ETV6: variants seen among roughly 807,000 people sequenced by gnomAD.
ETV6 encodes the protein transcription factor ETV6.
ETV6 carries 16 observed loss-of-function variants against 51.1 expected under a neutral mutation model. The ratio of observed to expected loss-of-function variants is 0.31; its 90% confidence interval spans 0.21 to 0.48. The LOEUF (loss-of-function observed/expected upper bound fraction) is 0.48. Ranked by LOEUF, ETV6 falls within the 20% of genes least tolerant of loss-of-function variation. The pLI is 0.99. For missense variants in ETV6, 458 were observed against 594.8 expected (o/e 0.77, Z 2.39); for synonymous variants, 240 against 224.1 (o/e 1.07, Z -0.64).
At chr12:11,861,516 C>T (rs1206237579) in intron 4 of ETV6, among the ~76,000 whole-genome samples, 1 of 152,198 alleles carries the variant, frequency 6.6e-6, no homozygotes, top group Non-Finnish European at 1.5e-5. Flanking sequence ...GACCCCTCAC[C>T]CTTCCTGCCT....
intron 1 of ETV6, among the ~76,000 whole-genome samples, chr12:11,731,543 T>G (rs2120978603): frequency 6.6e-6 from 1 of 152,100 alleles, no homozygotes; most frequent in Non-Finnish European, 1.5e-5. Context: ...AGAGAAAGAA[T>G]AATTTTTTTT....
At chr12:11,785,799 G>T (rs1422572890) in intron 2 of ETV6, among the ~76,000 whole-genome samples, 1 of 152,148 alleles carries the variant, frequency 6.6e-6, no homozygotes, top group Non-Finnish European at 1.5e-5. Flanking sequence ...CCTTGCATTT[G>T]GTTCGTGTCA....
chr12:11,781,793 A>G (rs1398050899), intron 2 of ETV6, among the ~76,000 whole-genome samples: 1 of 151,368 alleles, frequency 6.6e-6, no homozygotes, highest in Non-Finnish European at 1.5e-5. Flanking sequence ...CCTTCTATAA[A>G]CTCCTCTTTC....
At chr12:11,791,577 G>A (rs1036470732) in intron 2 of ETV6, among the ~76,000 whole-genome samples, 10 of 152,142 alleles carry the variant, frequency 6.6e-5, no homozygotes, top group African/African-American at 1.4e-4. Flanking sequence ...CTTTGTATTC[G>A]TGTCCAGTTG....
intron 1 of ETV6, among the ~76,000 whole-genome samples, chr12:11,749,239 A>C (rs1005553402): frequency 6.7e-6 from 1 of 149,386 alleles, no homozygotes; most frequent in Non-Finnish European, 1.5e-5. Context: ...ATTTTAATTT[A>C]ATTAGAGCAG....
At chr12:11,830,689 C>T (rs1372154411) in intron 2 of ETV6, among the ~76,000 whole-genome samples, 2 of 152,190 alleles carry the variant, frequency 1.3e-5, no homozygotes, top group African/African-American at 2.4e-5. Context: ...TGGCATTAAA[C>T]CTGGGGACTG....
chr12:11,876,148 C>T (rs1435598515), intron 5 of ETV6, among the ~76,000 whole-genome samples: 1 of 152,164 alleles, frequency 6.6e-6, no homozygotes, highest in Non-Finnish European at 1.5e-5. Flanking sequence ...AGAGAGGAGA[C>T]AGGTTCTGGA....
At chr12:11,753,536 G>A (rs559374449) in intron 2 of ETV6, among the ~76,000 whole-genome samples, 2 of 152,306 alleles carry the variant, frequency 1.3e-5, no homozygotes, top group South Asian at 2.1e-4. Flanking sequence ...GACTTAAATG[G>A]TGGCACAGTC....
In ETV6 at chr12:11,874,528, GTGTATGTGCGTGTGTACACACATATA is replaced by G. The variant is rs1946938209; in HGVS notation, c.1009+4563_1009+4588del. On this transcript the variant is annotated intron_variant, in intron 5 of 7. Coordinates refer to ENST00000396373, the MANE Select transcript of ETV6 (RefSeq NM_001987.5). ...TATGTGCGTGTGTACACACATATAT[GTGTATGTGCGTGTGTACACACATATA>G]TGTGTATGTGCGTGTGTACACATAT... Among the ~76,000 whole-genome samples the G allele has an allele frequency of 1.0e-4, 2 of 20,064 alleles. 1 individual carries two copies. Among genetic ancestry groups the G allele is most frequent in the Non-Finnish European group, 2.8e-4 (2 of 7,192 alleles). The allele number at this position is 20,064 out of a possible 152,430, so 13.2% of individuals were successfully genotyped here.
chr12:11,672,424 A>G (rs1864335796), intron 1 of ETV6, among the ~76,000 whole-genome samples: 1 of 152,178 alleles, frequency 6.6e-6, no homozygotes, highest in Non-Finnish European at 1.5e-5. Context: ...AAAAGGAAAA[A>G]TAAAACCACA....
intron 2 of ETV6, among the ~76,000 whole-genome samples, chr12:11,760,876 ATATGTGTG>A (rs1283980028): frequency 8.2e-4 from 59 of 71,918 alleles, no homozygotes; most frequent in Admixed American, 2.3e-3. Flanking sequence ...ATTATTATAT[ATATGTGTG>A]TGTGTGTGTG....
intron 2 of ETV6, among the ~76,000 whole-genome samples, chr12:11,771,816 G>A (rs1372503607): frequency 6.6e-6 from 1 of 152,154 alleles, no homozygotes; most frequent in Non-Finnish European, 1.5e-5. Flanking sequence ...TTCATACAAA[G>A]TTTAATCAGA....
At chr12:11,771,326 T>C (rs1435593257) in intron 2 of ETV6, among the ~76,000 whole-genome samples, 1 of 152,270 alleles carries the variant, frequency 6.6e-6, no homozygotes, top group East Asian at 1.9e-4. Flanking sequence ...GTGTCAACTT[T>C]GTTGCTTTAA....
intron 5 of ETV6, among the ~76,000 whole-genome samples, chr12:11,872,376 G>A (rs1316422982): frequency 1.3e-5 from 2 of 152,030 alleles, no homozygotes; most frequent in Non-Finnish European, 2.9e-5. Flanking sequence ...CCACTTCTTG[G>A]GAATCTACCA....
intron 1 of ETV6, among the ~76,000 whole-genome samples, chr12:11,682,258 T>C (rs1864544543): frequency 6.6e-6 from 1 of 152,246 alleles, no homozygotes; most frequent in Admixed American, 6.5e-5. Context: ...TGATCGCCAT[T>C]CTAACTGGTG....
chr12:11,808,615 T>C (rs1160272898), intron 2 of ETV6, among the ~76,000 whole-genome samples: 1 of 152,212 alleles, frequency 6.6e-6, no homozygotes, highest in Non-Finnish European at 1.5e-5. Flanking sequence ...CCATTTTATA[T>C]AAGGGATTTG....
intron 1 of ETV6, among the ~76,000 whole-genome samples, chr12:11,738,328 TA>T (rs1324309727): frequency 0.018 from 1,846 of 102,270 alleles, 76 homozygotes; most frequent in African/African-American, 0.059. Flanking sequence ...TTTTTTTTTT[TA>T]AATTTGAGAC....
chr12:11,733,356 C>G (rs1224420297), intron 1 of ETV6, among the ~76,000 whole-genome samples: 1 of 134,272 alleles, frequency 7.4e-6, no homozygotes, highest in East Asian at 2.2e-4. Flanking sequence ...TGCAGTGAGC[C>G]GAGATCGCAC....
intron 5 of ETV6, among the ~76,000 whole-genome samples, chr12:11,877,025 T>C (rs1189562597): frequency 2.0e-5 from 3 of 152,268 alleles, no homozygotes; most frequent in Non-Finnish European, 4.4e-5. Context: ...ATCAAGTCTC[T>C]TGCATTGCTT....
Sources: gnomAD v4.1 joint callset for allele counts (sites outside exome capture counted in the v4.1 genomes callset) on GRCh38, gnomAD v4.1.1 for gene constraint, MANE v1.5 for transcripts, NCBI Gene and HGNC (gene_info 2026-07-23, HGNC 2026-07-21) for gene names.